Variants in SLC12A7 observed in about 807,000 individuals in gnomAD.
SLC12A7 encodes the protein K-Cl cotransporter 4.
SLC12A7 carries 100 observed loss-of-function variants against 120.6 expected under a neutral mutation model. The observed-to-expected ratio is 0.83, with a 90% CI of 0.71 to 0.98. SLC12A7 has a LOEUF of 0.98. Ranked by LOEUF, SLC12A7 falls within the 50% of genes least tolerant of loss-of-function variation. SLC12A7 has a pLI of 0.00. For missense variants in SLC12A7, 1,373 were observed against 1,548.1 expected, an observed-to-expected ratio of 0.89 and a Z score of 1.90; for synonymous variants, 760 against 678.0, an observed-to-expected ratio of 1.12 and a Z score of -1.88.
At chr5:1,084,049 C>T in intron 7 of SLC12A7, 93 bp from the exon 8 acceptor site, 1 of 1,092,240 alleles carries the variant, frequency 9.2e-7, no homozygotes, top group South Asian at 1.4e-5. Context: ...CATGGTGTCG[C>T]CCGCGAGTGG....
intron 22 of SLC12A7, among the ~76,000 whole-genome samples, chr5:1,054,958 C>T (rs1167052851): frequency 6.6e-6 from 1 of 152,158 alleles, no homozygotes; most frequent in Non-Finnish European, 1.5e-5. Flanking sequence ...AGAGCAGCTC[C>T]AGGAAGTGAA....
At chr5:1,145,160 G>A in the SLC12A7 span, among the ~76,000 whole-genome samples, 1,297 of 152,350 alleles carry the variant, frequency 8.5e-3, 17 homozygotes, top group South Asian at 0.037. This position sits in a 1 kb window ranked among gnomAD's most constrained non-coding sequence, Gnocchi z 4.4. Context: ...CCGAGAACTC[G>A]GCCCTCACAC....
chr5:1,058,371 A>G (rs1370139442), intron 21 of SLC12A7, among the ~76,000 whole-genome samples: 1 of 152,218 alleles, frequency 6.6e-6, no homozygotes, highest in Non-Finnish European at 1.5e-5. Flanking sequence ...TGTCGTGGCC[A>G]GCCTGACAGG....
chr5:1,111,936 TC>T lies in SLC12A7; in HGVS notation c.55del (p.Asp19ThrfsTer77). On this transcript the variant is annotated frameshift_variant, in exon 1 of 24. Coordinates refer to ENST00000264930, the MANE Select transcript of SLC12A7 (RefSeq NM_006598.3). LOFTEE classifies it high-confidence loss of function. ...PVEAHADGGG[D>X]ETAERTEAPG... ...AGCCTCCGTCCGCTCGGCAGTCTCGTCCCCGCCGCCGTCGGCGTGAGCCTCC... is the reference window on the plus strand; with the variant it reads ...AGCCTCCGTCCGCTCGGCAGTCTCGTCCCGCCGCCGTCGGCGTGAGCCTCC... 7.8e-7 allele frequency: 1 copy of T among 1,286,570 alleles called. No homozygotes were observed. Among genetic ancestry groups the T allele is most frequent in the Admixed American group, 3.3e-5 (1 of 30,002 alleles). 79.7% of individuals were successfully genotyped at this position (1,286,570 alleles called of 1,614,324 possible). A position where few individuals can be genotyped will look rare whatever the true frequency, so the allele number is the denominator to read the frequency against.
At chr5:1,105,440 C>A (rs1232874066) in intron 1 of SLC12A7, among the ~76,000 whole-genome samples, 1 of 152,252 alleles carries the variant, frequency 6.6e-6, no homozygotes, top group Non-Finnish European at 1.5e-5. Context: ...TGCAGTCACC[C>A]ACCAGCCAAA....
At chr5:1,145,328 C>G in the SLC12A7 span, among the ~76,000 whole-genome samples, 1 of 152,242 alleles carries the variant, frequency 6.6e-6, no homozygotes, top group Non-Finnish European at 1.5e-5. The surrounding 1 kb of genome is among the most constrained non-coding windows in gnomAD (Gnocchi z 4.4). Flanking sequence ...CCTGTGGGGA[C>G]ACAGCTGCTG....
chr5:1,149,437 C>T, the SLC12A7 span, among the ~76,000 whole-genome samples: 2 of 151,818 alleles, frequency 1.3e-5, no homozygotes, highest in South Asian at 2.1e-4. Flanking sequence ...ATTAGCCAGG[C>T]GTGGTGGCAG....
intron 14 of SLC12A7, chr5:1,075,902 C>G: frequency 1.9e-6 from 1 of 538,144 alleles, no homozygotes; most frequent in Non-Finnish European, 3.3e-6. Context: ...TGGGCATCCT[C>G]GTAACCAGAG....
chr5:1,065,343 T>G lies in SLC12A7; in HGVS notation c.2377A>C (p.Met793Leu), dbSNP rs550945453. Reference sequence around the variant, plus strand: ...TGCTTCCAGGATGCGGGCCAGGCCATGAGCACCGTGTTGTGCTTCAGGCCG... The same window carrying G: ...TGCTTCCAGGATGCGGGCCAGGCCAGGAGCACCGTGTTGTGCTTCAGGCCG... ...LGGLKHNTVL[M>L]AWPASWKQED... The change falls in exon 18 of 24, where the codon ATG becomes CTG. Residue 793 changes from methionine to leucine, a missense_variant. Transcript: ENST00000264930. The G allele has an allele frequency of 1.2e-6, 2 of 1,608,160 alleles. No individual in the cohort carries two copies. Among genetic ancestry groups the G allele is most frequent in the East Asian group, 2.2e-5 (1 of 44,714 alleles).
chr5:1,056,713 GAGCCCCC>G (rs1197626673), intron 22 of SLC12A7: 2 of 339,462 alleles, frequency 5.9e-6, no homozygotes, highest in Non-Finnish European at 4.2e-6. Context: ...CAGGGCCCAG[GAGCCCCC>G]AGCCCTTCCT....
In SLC12A7 at chr5:1,064,257, G is replaced by C. The variant is rs776412060; in HGVS notation, c.2438-5C>G. ...CGGTGGTGTCGCGGACGGTGTCTGCGGAGAGAGGCGGCCGTCCGCAGGTCA... is the reference window on the plus strand; with the variant it reads ...CGGTGGTGTCGCGGACGGTGTCTGCCGAGAGAGGCGGCCGTCCGCAGGTCA... On this transcript the variant is annotated splice_polypyrimidine_tract_variant and splice_region_variant and intron_variant, in intron 18 of 23. Transcript: ENST00000264930. 4 of 1,605,542 alleles carry C rather than the reference G, an allele frequency of 2.5e-6. No individual in the cohort carries two copies. In the African/African-American group the frequency reaches 5.4e-5, roughly 21 times the overall value.
At chr5:1,096,563 G>A (rs1483006584) in intron 1 of SLC12A7, among the ~76,000 whole-genome samples, 7 of 151,000 alleles carry the variant, frequency 4.6e-5, no homozygotes, top group South Asian at 2.1e-4. Flanking sequence ...TGGACACAAC[G>A]GCCAACTGTT....
At chr5:1,075,263 G>C (rs760980728) in intron 15 of SLC12A7, 108 bp downstream of exon 15, 15 of 1,456,368 alleles carry the variant, frequency 1.0e-5, no homozygotes, top group South Asian at 5.5e-5. Context: ...GAGGGCACAC[G>C]ACGCTCAAGC....
chr5:1,064,035 C>G, intron 19 of SLC12A7, 48 bp downstream of exon 19: 1 of 1,601,378 alleles, frequency 6.2e-7, no homozygotes, highest in Non-Finnish European at 8.5e-7. Context: ...GCCCGCAGCA[C>G]GTGGGGTGGC....
chr5:1,076,562 C>T (rs899818087), intron 13 of SLC12A7, 132 bp downstream of exon 13: 41 of 711,794 alleles, frequency 5.8e-5, no homozygotes, highest in Admixed American at 3.6e-4. Flanking sequence ...ACTCCCTTCC[C>T]GGCAGGATCC....
chr5:1,054,628 G>A (rs986201303), intron 22 of SLC12A7, among the ~76,000 whole-genome samples: 1 of 152,262 alleles, frequency 6.6e-6, no homozygotes, highest in African/African-American at 2.4e-5. Context: ...GCCCCCTGGG[G>A]GAGGTCACCA....
Position 1,065,453 on chromosome 5 carries a change from T to C in SLC12A7, c.2267A>G (p.Glu756Gly), listed in dbSNP as rs1331031693. 1 of 1,606,404 alleles carries C rather than the reference T, an allele frequency of 6.2e-7. No homozygotes were observed. The highest frequency in any genetic ancestry group is 8.5e-7 in the Non-Finnish European group (1 of 1,176,118). ...CAGCTGGCAGAAGCCCTTGGTCTTC[T>C]CTGTGCTCATTAGGGACCGTATGTT... Reference protein sequence around the residue: ...EENIRSLMSTEKTKGFCQLVV... With the variant: ...EENIRSLMSTGKTKGFCQLVV... Residue 756 changes from glutamate to glycine, a missense_variant, in exon 18 of 24, where the codon GAG becomes GGG. Glu to Gly is a moderately conservative substitution (Grantham distance 98, BLOSUM62 -2). Transcript: ENST00000264930.
the SLC12A7 span, among the ~76,000 whole-genome samples, chr5:1,145,624 G>A: frequency 1.3e-5 from 2 of 152,264 alleles, no homozygotes; most frequent in East Asian, 1.9e-4. This position sits in a 1 kb window ranked among gnomAD's most constrained non-coding sequence, Gnocchi z 4.4. Context: ...TCTTCCAAGA[G>A]GCCTGAAAGA....
chr5:1,083,876 G>A lies in SLC12A7; in HGVS notation c.998C>T (p.Ser333Leu), dbSNP rs1739498853. 2 of 1,608,554 alleles carry A rather than the reference G, an allele frequency of 1.2e-6. No individual in the cohort carries two copies. Among genetic ancestry groups the A allele is most frequent in the Admixed American group, 3.3e-5 (2 of 59,740 alleles). ...GAGGCCCCAGAGCGCGGAGGTGGCT[G>A]AGTTGTTGTGGATGCCGTAGGCCTT... Reference protein sequence around the residue: ...CVKAYGIHNNSATSALWGLFC... With the variant: ...CVKAYGIHNNLATSALWGLFC... Residue 333 changes from serine to leucine, a missense_variant, in exon 8 of 24, where the codon TCA (serine) becomes TTA (leucine). Coordinates refer to ENST00000264930, the MANE Select transcript of SLC12A7 (RefSeq NM_006598.3).
Sources: gnomAD v4.1 joint callset for allele counts (sites outside exome capture counted in the v4.1 genomes callset) on GRCh38, gnomAD v4.1.1 for gene constraint, Gnocchi (gnomAD v3.1) non-coding constraint, MANE v1.5 for transcripts, NCBI Gene and HGNC (gene_info 2026-07-23, HGNC 2026-07-21) for gene names.